The following SH3D19 variants were observed in gnomAD, a reference collection of about 807,000 sequenced individuals.
SH3D19 encodes SH3 domain-containing protein 19.
In SH3D19, 58 loss-of-function variants were observed where a neutral mutation model predicts 112.1. The observed-to-expected ratio is 0.52, with a 90% confidence interval of 0.42 to 0.64. The LOEUF (loss-of-function observed/expected upper bound fraction) is 0.64. SH3D19 is among the 30% of genes least tolerant of loss of function. The pLI is 0.00. For synonymous variants in SH3D19, 391 were observed against 448.5 expected (o/e 0.87, Z 1.62); for missense variants, 1,090 against 1,263.4 (o/e 0.86, Z 2.08).
At chr4:151,245,197 C>A (rs1770852493) in intron 1 of SH3D19, among the ~76,000 whole-genome samples, 1 of 151,896 alleles carries the variant, frequency 6.6e-6, no homozygotes, top group Non-Finnish European at 1.5e-5. Flanking sequence ...TGCTTAGGAG[C>A]TTTATCACTA....
intron 19 of SH3D19, among the ~76,000 whole-genome samples, chr4:151,123,568 T>G (rs1380537073): frequency 6.6e-6 from 1 of 152,152 alleles, no homozygotes; most frequent in African/African-American, 2.4e-5. Context: ...GTTCAAGTGA[T>G]TCTCCTGCCA....
At chr4:151,162,563 TTATCCC>T (rs1757333433) in intron 8 of SH3D19, among the ~76,000 whole-genome samples, 1 of 151,882 alleles carries the variant, frequency 6.6e-6, no homozygotes, top group Non-Finnish European at 1.5e-5. Context: ...GTCTGAAACT[TTATCCC>T]TAGAAAGTCC....
rs1759772647 is a variant in SH3D19 at position 151,175,306 on chromosome 4, A to G, written c.898T>C (p.Phe300Leu). ...QNSIVSRIKVFEGQTNIETSG... is the reference protein window; with the variant it reads ...QNSIVSRIKVLEGQTNIETSG... Reference sequence around the variant, plus strand: ...GTTTCTATGTTTGTCTGACCCTCAAACACTTTAATTCTGGAAACAATACTA... The same window carrying G: ...GTTTCTATGTTTGTCTGACCCTCAAGCACTTTAATTCTGGAAACAATACTA... The change falls in exon 7 of 20, where the codon TTT becomes CTT. Residue 300 changes from phenylalanine (F) to leucine (L), a missense_variant. Physicochemically the swap from Phe to Leu is conservative, Grantham distance 22. Coordinates refer to ENST00000604030, the MANE Select transcript of SH3D19 (RefSeq NM_001378122.1). 6 of 1,614,010 alleles carry G rather than the reference A, an allele frequency of 3.7e-6. No homozygotes were observed. The highest frequency in any genetic ancestry group is 5.1e-6 in the Non-Finnish European group (6 of 1,180,012).
rs184379160 is a variant in SH3D19 at position 151,313,851 on chromosome 4, G to C, written c.112+11390C>G. Among the ~76,000 whole-genome samples, 640 of 152,244 alleles carry C rather than the reference G, an allele frequency of 4.2e-3. 4 individuals carry two copies. The highest frequency in any genetic ancestry group is 0.013 in the African/African-American group (558 of 41,546). ...AGGGTGTGGTAGCAAGATAAGACAG[G>C]ATCATTTACATGGGTGATATGCTGG... On this transcript the variant is annotated intron_variant, in intron 1 of 19. Coordinates refer to ENST00000604030, the MANE Select transcript of SH3D19 (RefSeq NM_001378122.1).
intron 14 of SH3D19, 29 bp from the exon 15 acceptor site, chr4:151,135,161 T>C (rs1247202355): frequency 6.5e-6 from 10 of 1,542,196 alleles, no homozygotes; most frequent in Middle Eastern, 3.8e-4. Flanking sequence ...AGGCAACAAT[T>C]ATATTTTTTT....
chr4:151,256,975 C>A (rs1255478800), intron 1 of SH3D19, among the ~76,000 whole-genome samples: 1 of 152,090 alleles, frequency 6.6e-6, no homozygotes, highest in Non-Finnish European at 1.5e-5. Flanking sequence ...TTCGTGGCTT[C>A]AAGTGATCTG....
At chr4:151,132,833 A>C (rs1422992114) in intron 16 of SH3D19, among the ~76,000 whole-genome samples, 1 of 152,304 alleles carries the variant, frequency 6.6e-6, no homozygotes, top group Non-Finnish European at 1.5e-5. Context: ...GCTATTGCTA[A>C]TTACCTAAAA....
At chr4:151,281,322 G>C (rs754747204) in intron 1 of SH3D19, among the ~76,000 whole-genome samples, 14 of 152,100 alleles carry the variant, frequency 9.2e-5, no homozygotes, top group Non-Finnish European at 1.8e-4. Flanking sequence ...GAAGCAAAAC[G>C]TTTTATAAGA....
intron 3 of SH3D19, among the ~76,000 whole-genome samples, chr4:151,184,312 T>C (rs1196589322): frequency 1.3e-5 from 2 of 152,172 alleles, no homozygotes; most frequent in Admixed American, 6.5e-5. Context: ...CACATTTTAA[T>C]GGGCTGGCTA....
rs1336222348 is a variant in SH3D19 at position 151,148,116 on chromosome 4, G to A, written c.1888C>T (p.Pro630Ser). The A allele has an allele frequency of 6.2e-7, 1 of 1,614,010 alleles. No homozygotes were observed. Among genetic ancestry groups the A allele is most frequent in the Non-Finnish European group, 8.5e-7 (1 of 1,179,994 alleles). ...GATCTTCTGGTTGCAGAAAGCTTTG[G>A]GGGAGGTGGTCTCTCAGGGGGCACC... ...TKVPPERPPPPKLSATRRSNK... is the reference protein window; with the variant it reads ...TKVPPERPPPSKLSATRRSNK... The change falls in exon 11 of 20, where the codon CCA (proline) becomes TCA (serine). Residue 630 changes from proline (P) to serine (S), a missense_variant. Transcript: ENST00000604030.
intron 9 of SH3D19, among the ~76,000 whole-genome samples, chr4:151,156,741 C>T (rs959253211): frequency 6.6e-6 from 1 of 152,126 alleles, no homozygotes; most frequent in Non-Finnish European, 1.5e-5. Context: ...GACCTCAGGA[C>T]ATTGGTCTTA....
chr4:151,286,349 G>A (rs1264855193), intron 1 of SH3D19, among the ~76,000 whole-genome samples: 1 of 150,214 alleles, frequency 6.7e-6, no homozygotes, highest in Non-Finnish European at 1.5e-5. Context: ...AAAAACTTTA[G>A]CTAAACTGAG....
intron 12 of SH3D19, among the ~76,000 whole-genome samples, chr4:151,143,481 C>T (rs72723723): frequency 2.6e-3 from 403 of 152,184 alleles, no homozygotes; most frequent in Non-Finnish European, 3.9e-3. Flanking sequence ...TCTCCAAATA[C>T]AATTTTTTAG....
chr4:151,251,189 CTTT>C (rs5862953), intron 1 of SH3D19, among the ~76,000 whole-genome samples: 12 of 146,248 alleles, frequency 8.2e-5, no homozygotes, highest in Middle Eastern at 3.6e-3. Flanking sequence ...CTTTCTTTTT[CTTT>C]TTTTCCTTTT....
chr4:151,183,234 C>G (rs1056160019), intron 3 of SH3D19, among the ~76,000 whole-genome samples: 10 of 152,038 alleles, frequency 6.6e-5, no homozygotes, highest in Non-Finnish European at 8.8e-5. Flanking sequence ...TCAGGTGATC[C>G]GCCCGCCTCA....
chr4:151,261,342 T>C (rs367753517), intron 1 of SH3D19: 1 of 152,216 alleles, frequency 6.6e-6, no homozygotes, highest in African/African-American at 2.4e-5. Context: ...AAAATGACGA[T>C]AATACCTGTG....
At chr4:151,162,451 T>A (rs1421871900) in intron 8 of SH3D19, among the ~76,000 whole-genome samples, 1 of 152,072 alleles carries the variant, frequency 6.6e-6, no homozygotes, top group Non-Finnish European at 1.5e-5. Context: ...CTTGGAGCTT[T>A]GTCAGGATAA....
intron 1 of SH3D19, among the ~76,000 whole-genome samples, chr4:151,233,703 T>A (rs1238033987): frequency 1.3e-5 from 2 of 152,184 alleles, no homozygotes; most frequent in African/African-American, 4.8e-5. Flanking sequence ...GGGATTACGA[T>A]GTGGACATCT....
rs959869661 is a variant in SH3D19 at position 151,230,828 on chromosome 4, C to T, written c.113-4742G>A. ...ACTCCTGACCTCATGATCCAGCCAC[C>T]TCAGCCTCCCAAAGTGCTGGGATTA... On this transcript the variant is annotated intron_variant, in intron 1 of 19. Transcript: ENST00000604030. 2.0e-5 allele frequency among the ~76,000 whole-genome samples: 3 copies of T among 152,126 alleles called. No individual in the cohort carries two copies. In the South Asian group the frequency reaches 6.2e-4, roughly 32 times the overall value.
Sources: allele counts gnomAD v4.1 joint callset (sites outside exome capture counted in the v4.1 genomes callset), GRCh38; gene constraint gnomAD v4.1.1; transcripts MANE v1.5; gene names NCBI Gene and HGNC (gene_info 2026-07-23, HGNC 2026-07-21).